The following SLCO1C1 variants were observed in gnomAD, a reference collection of about 807,000 sequenced individuals.
SLCO1C1 encodes the protein OAT-RP-5.
A neutral mutation model predicts 76.4 loss-of-function variants in SLCO1C1; 70 were observed. That is an observed-to-expected ratio of 0.92 (90% confidence interval 0.76 to 1.12). SLCO1C1 has a LOEUF of 1.12. SLCO1C1 is among the 50% of genes most tolerant of loss of function. The pLI, the probability that SLCO1C1 is intolerant of heterozygous loss-of-function variation, is 0.00. For synonymous variants in SLCO1C1, 306 were observed against 286.1 expected, an observed-to-expected ratio of 1.07 and a Z score of -0.70; for missense variants, 912 against 823.8, an observed-to-expected ratio of 1.11 and a Z score of -1.31.
intron 10 of SLCO1C1, among the ~76,000 whole-genome samples, chr12:20,733,501 T>C (rs1322714463): frequency 6.6e-6 from 1 of 152,202 alleles, no homozygotes; most frequent in Non-Finnish European, 1.5e-5. Context: ...TTTAAACTTT[T>C]GTAAGGTTTA....
intron 3 of SLCO1C1, among the ~76,000 whole-genome samples, chr12:20,703,986 T>TGTGTGTGTGTGTGC (rs1491433358): frequency 1.4e-5 from 2 of 143,714 alleles, no homozygotes; most frequent in East Asian, 4.0e-4. Context: ...TGTGTGTGTG[T>TGTGTGTGTGTGTGC]GCATAGACAG....
chr12:20,715,099 G>A (rs370779531), intron 5 of SLCO1C1, 40 bp from the exon 6 acceptor site: 86 of 1,610,478 alleles, frequency 5.3e-5, no homozygotes, highest in African/African-American at 3.2e-4. Context: ...AACTTTTAAA[G>A]TGATCTATTT....
intron 9 of SLCO1C1, among the ~76,000 whole-genome samples, chr12:20,724,384 A>T (rs1200226941): frequency 7.1e-6 from 1 of 140,382 alleles, no homozygotes; most frequent in Non-Finnish European, 1.5e-5. Flanking sequence ...GATAATTTTG[A>T]TATATATAAT....
At chr12:20,751,506 A>G (rs1469586552) in intron 14 of SLCO1C1, among the ~76,000 whole-genome samples, 3 of 152,204 alleles carry the variant, frequency 2.0e-5, no homozygotes, top group African/African-American at 7.2e-5. Flanking sequence ...GAACCATCTA[A>G]GTTGGATGTG....
At chr12:20,726,884 C>G (rs1483587887) in intron 9 of SLCO1C1, among the ~76,000 whole-genome samples, 1 of 152,116 alleles carries the variant, frequency 6.6e-6, no homozygotes, top group African/African-American at 2.4e-5. Flanking sequence ...CAGTAGTTCC[C>G]ATTGTCTGTT....
chr12:20,733,324 T>C (rs1948383591), intron 10 of SLCO1C1, among the ~76,000 whole-genome samples: 1 of 152,198 alleles, frequency 6.6e-6, no homozygotes, highest in Admixed American at 6.5e-5. Flanking sequence ...GCTAAACCCA[T>C]ATTTTACACT....
At chr12:20,744,590 T>C (rs973507833) in intron 13 of SLCO1C1, among the ~76,000 whole-genome samples, 1 of 152,100 alleles carries the variant, frequency 6.6e-6, no homozygotes, top group African/African-American at 2.4e-5. Flanking sequence ...AGCTCATAAA[T>C]AGAGCCAAGT....
intron 9 of SLCO1C1, among the ~76,000 whole-genome samples, chr12:20,724,445 A>ATGTG (rs1471329855): frequency 1.3e-4 from 13 of 96,514 alleles, no homozygotes; most frequent in Non-Finnish European, 2.1e-4. Context: ...ATATATATAT[A>ATGTG]TATATATGTG....
At chr12:20,744,118 T>C (rs1191847472) in intron 13 of SLCO1C1, among the ~76,000 whole-genome samples, 2 of 152,044 alleles carry the variant, frequency 1.3e-5, no homozygotes, top group South Asian at 2.1e-4. Flanking sequence ...AGCAAGATAA[T>C]AGAATCCTGA....
intron 7 of SLCO1C1, 56 bp downstream of exon 7, chr12:20,717,286 A>G: frequency 7.3e-7 from 1 of 1,374,420 alleles, no homozygotes; most frequent in Non-Finnish European, 1.0e-6. Flanking sequence ...AACATTTTTA[A>G]TGGGAACAGT....
chr12:20,741,791 T>C (rs1948828225), intron 12 of SLCO1C1, among the ~76,000 whole-genome samples: 1 of 152,182 alleles, frequency 6.6e-6, no homozygotes, highest in Non-Finnish European at 1.5e-5. Flanking sequence ...ATTTCTATTG[T>C]ACAACTGATA....
chr12:20,736,356 G>T (rs1246277682), intron 10 of SLCO1C1, among the ~76,000 whole-genome samples: 1 of 150,432 alleles, frequency 6.6e-6, no homozygotes, highest in Non-Finnish European at 1.5e-5. Flanking sequence ...TGCAAATTTT[G>T]TCTCATTAAT....
chr12:20,736,842 G>A (rs929625249), intron 10 of SLCO1C1, among the ~76,000 whole-genome samples: 1 of 152,074 alleles, frequency 6.6e-6, no homozygotes, highest in Non-Finnish European at 1.5e-5. Flanking sequence ...GAAGATCCTA[G>A]AGGCTGTAGA....
chr12:20,747,223 G>A (rs965390925), intron 13 of SLCO1C1, among the ~76,000 whole-genome samples: 9 of 152,138 alleles, frequency 5.9e-5, no homozygotes, highest in South Asian at 4.1e-4. Context: ...CCAGGAGTTC[G>A]AGACCAGCCT....
At chr12:20,701,237 G>C in intron 2 of SLCO1C1, 81 bp from the exon 3 acceptor site, 1 of 1,283,560 alleles carries the variant, frequency 7.8e-7, no homozygotes, top group Non-Finnish European at 1.0e-6. Context: ...TGTTTGTTTT[G>C]TATTTGTTTG....
intron 10 of SLCO1C1, among the ~76,000 whole-genome samples, chr12:20,733,707 TC>T (rs1333111754): frequency 6.6e-6 from 1 of 152,152 alleles, no homozygotes; most frequent in African/African-American, 2.4e-5. Flanking sequence ...AACCCAGTGT[TC>T]CCCATAAAAG....
At chr12:20,711,547 TA>T (rs142446674) in intron 5 of SLCO1C1, 37 bp downstream of exon 5, 164 of 1,594,624 alleles carry the variant, frequency 1.0e-4, no homozygotes, top group Non-Finnish European at 1.3e-4. Context: ...AACAAGCTTT[TA>T]AAAAAAAGAC....
chr12:20,712,377 G>T (rs1947150901), intron 5 of SLCO1C1, among the ~76,000 whole-genome samples: 1 of 152,136 alleles, frequency 6.6e-6, no homozygotes, highest in African/African-American at 2.4e-5. Context: ...GTAGAGTCTT[G>T]CCTCCTGCCT....
At position 20,717,187 on chromosome 12, in the gene SLCO1C1, A is replaced by T; in HGVS notation, c.732A>T (p.Ser244=). 1 of 1,602,112 alleles carries T rather than the reference A, an allele frequency of 6.2e-7. No homozygotes were observed. Among genetic ancestry groups the T allele is most frequent in the Non-Finnish European group, 8.5e-7 (1 of 1,176,238 alleles). Reference sequence around the variant, plus strand: ...CAATCTTTGGTTTCCTGTTAGGCTCATTATGTGCCAAACTATATGTTGACA... The same window carrying T: ...CAATCTTTGGTTTCCTGTTAGGCTCTTTATGTGCCAAACTATATGTTGACA... ...IGPIFGFLLG[S]LCAKLYVDIG... The change falls in exon 7 of 15, where the codon TCA becomes TCT. Residue 244 remains serine, a synonymous_variant. Coordinates refer to ENST00000266509, the MANE Select transcript of SLCO1C1 (RefSeq NM_017435.5).
Sources: gnomAD v4.1 joint callset for allele counts (sites outside exome capture counted in the v4.1 genomes callset) on GRCh38, gnomAD v4.1.1 for gene constraint, MANE v1.5 for transcripts, NCBI Gene and HGNC (gene_info 2026-07-23, HGNC 2026-07-21) for gene names.